The following CACNA2D1 variants were observed in gnomAD, a reference collection of about 807,000 sequenced individuals.
The protein encoded by CACNA2D1 is voltage-dependent calcium channel subunit alpha-2/delta-1.
CACNA2D1 carries 53 observed loss-of-function variants against 171.5 expected under a neutral mutation model. That is an observed-to-expected ratio of 0.31 (90% confidence interval 0.25 to 0.39). The LOEUF is 0.39. CACNA2D1 is among the 10% of genes least tolerant of loss of function. The probability of loss-of-function intolerance (pLI) is 1.00; values close to 1 mark genes in which losing one functional copy is unlikely to be tolerated. For synonymous variants in CACNA2D1, 442 were observed against 443.1 expected (o/e 1.00, Z 0.03); for missense variants, 903 against 1,299.8 (o/e 0.69, Z 4.69).
chr7:82,161,756 C>T (rs1349164749), intron 4 of CACNA2D1, among the ~76,000 whole-genome samples: 1 of 151,968 alleles, frequency 6.6e-6, no homozygotes, highest in Non-Finnish European at 1.5e-5. Flanking sequence ...AAACAGCAAG[C>T]ATGTCATCGG....
At chr7:82,165,526 C>G (rs938238664) in intron 4 of CACNA2D1, among the ~76,000 whole-genome samples, 1 of 152,080 alleles carries the variant, frequency 6.6e-6, no homozygotes, top group African/African-American at 2.4e-5. Context: ...GCATAACTAA[C>G]AATTTAAAGC....
At chr7:82,305,830 G>A (rs967314049) in intron 3 of CACNA2D1, among the ~76,000 whole-genome samples, 5 of 152,144 alleles carry the variant, frequency 3.3e-5, no homozygotes, top group African/African-American at 7.2e-5. Context: ...TATGAGCAAC[G>A]TAACCAAAAG....
At chr7:82,328,485 C>A (rs535609463) in intron 3 of CACNA2D1, among the ~76,000 whole-genome samples, 1 of 152,260 alleles carries the variant, frequency 6.6e-6, no homozygotes, top group East Asian at 1.9e-4. Context: ...TCTCCCAAAT[C>A]TTCAACAAAA....
intron 11 of CACNA2D1, among the ~76,000 whole-genome samples, chr7:82,035,714 GA>G (rs200709169): frequency 7.9e-5 from 12 of 151,494 alleles, no homozygotes; most frequent in South Asian, 2.1e-4. Context: ...GAAGTGAGGG[GA>G]AAAAAAATAC....
intron 3 of CACNA2D1, among the ~76,000 whole-genome samples, chr7:82,177,316 C>T (rs1294672499): frequency 6.6e-6 from 1 of 151,932 alleles, no homozygotes; most frequent in Non-Finnish European, 1.5e-5. Context: ...TGATCTATAA[C>T]CTTAGGCATT....
chr7:81,977,223 C>T (rs541467152), intron 24 of CACNA2D1, among the ~76,000 whole-genome samples: 57 of 152,114 alleles, frequency 3.7e-4, no homozygotes, highest in African/African-American at 1.3e-3. Flanking sequence ...GAGATACGTT[C>T]CATCAATACC....
intron 10 of CACNA2D1, 65 bp downstream of exon 10, chr7:82,060,363 C>T: frequency 9.5e-7 from 1 of 1,054,548 alleles, no homozygotes; most frequent in Non-Finnish European, 1.5e-6. Flanking sequence ...TATAAAGTAC[C>T]TAAAGTCAGG....
At chr7:82,260,673 G>A (rs1199684489) in intron 3 of CACNA2D1, among the ~76,000 whole-genome samples, 2 of 152,150 alleles carry the variant, frequency 1.3e-5, no homozygotes, top group South Asian at 2.1e-4. Flanking sequence ...TGAAGAAATG[G>A]CCTTAGAAAG....
At chr7:82,145,707 C>T (rs1792951583) in intron 4 of CACNA2D1, among the ~76,000 whole-genome samples, 1 of 148,430 alleles carries the variant, frequency 6.7e-6, no homozygotes, top group Non-Finnish European at 1.5e-5. Flanking sequence ...ATATTATACA[C>T]AATTTTATAT....
chr7:82,079,929 A>G (rs1300511618), intron 7 of CACNA2D1, among the ~76,000 whole-genome samples: 1 of 152,152 alleles, frequency 6.6e-6, no homozygotes, highest in Non-Finnish European at 1.5e-5. Flanking sequence ...TTAATTAGCT[A>G]GATTTAACCA....
rs555999649 is a variant in CACNA2D1, at chr7:82,047,709, AGACT to A, written c.880-9478_880-9475del. Among the ~76,000 whole-genome samples the A allele has an allele frequency of 3.0e-3, 457 of 152,304 alleles. 3 individuals carry two copies. Among genetic ancestry groups the A allele is most frequent in the South Asian group, 0.011 (51 of 4,826 alleles). On this transcript the variant is annotated intron_variant, in intron 10 of 38. Coordinates refer to ENST00000356860, the MANE Select transcript of CACNA2D1 (RefSeq NM_000722.4). ...ATGTACAGTAACATTAGTACAAAAA[AGACT>A]CTCTCTATACTCAAAGAAGCGTACA...
chr7:82,021,418 A>C (rs2131026176), intron 12 of CACNA2D1, among the ~76,000 whole-genome samples: 1 of 152,228 alleles, frequency 6.6e-6, no homozygotes, highest in South Asian at 2.1e-4. Flanking sequence ...TAACAGTTTT[A>C]TTCCACATTC....
At chr7:82,329,397 T>G (rs547358971) in intron 3 of CACNA2D1, among the ~76,000 whole-genome samples, 3 of 152,084 alleles carry the variant, frequency 2.0e-5, no homozygotes, top group Non-Finnish European at 2.9e-5. Flanking sequence ...CCAGAAAAAT[T>G]TGTTTATTAT....
Position 82,158,295 on chromosome 7 carries a change from T to C in CACNA2D1, c.354+12255A>G, listed in dbSNP as rs150087769. On this transcript the variant is annotated intron_variant, in intron 4 of 38. Coordinates refer to ENST00000356860, the MANE Select transcript of CACNA2D1 (RefSeq NM_000722.4). ...TGCCCTCCTTACTTAATAGTTCATA[T>C]GTATTCACTTTGCAAAGCTTTAAAA... 1.9e-3 allele frequency among the ~76,000 whole-genome samples: 282 copies of C among 152,050 alleles called. 1 individual carries two copies. The highest frequency in any genetic ancestry group is 3.1e-3 in the Non-Finnish European group (213 of 67,856).
chr7:82,395,942 A>G (rs1197345434), intron 1 of CACNA2D1, among the ~76,000 whole-genome samples: 1 of 152,192 alleles, frequency 6.6e-6, no homozygotes, highest in Non-Finnish European at 1.5e-5. Flanking sequence ...GGGAGATGAT[A>G]TATGTGAAAA....
intron 4 of CACNA2D1, among the ~76,000 whole-genome samples, chr7:82,169,548 T>C (rs1033255584): frequency 6.6e-6 from 1 of 152,082 alleles, no homozygotes; most frequent in Non-Finnish European, 1.5e-5. Flanking sequence ...TAGTGCATTT[T>C]CCTTTGATAT....
chr7:81,970,881 A>AG (rs1795196107), intron 26 of CACNA2D1, 144 bp from the exon 27 acceptor site: 1 of 640,516 alleles, frequency 1.6e-6, no homozygotes, highest in South Asian at 1.7e-5. Context: ...AATAATTTAA[A>AG]TATCTATTAA....
chr7:82,038,015 A>T (rs1803517279), intron 11 of CACNA2D1, 62 bp downstream of exon 11: 1 of 1,478,878 alleles, frequency 6.8e-7, no homozygotes, highest in Admixed American at 1.7e-5. Flanking sequence ...CTATCAGAAT[A>T]TTGAAATTCA....
intron 6 of CACNA2D1, among the ~76,000 whole-genome samples, chr7:82,085,129 T>C (rs1334935716): frequency 6.6e-6 from 1 of 152,204 alleles, no homozygotes; most frequent in African/African-American, 2.4e-5. Flanking sequence ...AGGTTTATAC[T>C]CTGGAGAGAA....
Sources: gnomAD v4.1 joint callset for allele counts (sites outside exome capture counted in the v4.1 genomes callset) on GRCh38, gnomAD v4.1.1 for gene constraint, MANE v1.5 for transcripts, NCBI Gene and HGNC (gene_info 2026-07-23, HGNC 2026-07-21) for gene names.